SSH2: variants seen among roughly 807,000 people sequenced by gnomAD.
SSH2 encodes the protein protein phosphatase Slingshot homolog 2.
In SSH2, 37 loss-of-function variants were observed where a neutral mutation model predicts 135.2. The observed-to-expected ratio is 0.27, with a 90% CI of 0.21 to 0.36. The LOEUF is 0.36. SSH2 is among the 10% of genes least tolerant of loss of function. SSH2 has a pLI of 1.00. For missense variants in SSH2, 1,408 were observed against 1,765.3 expected, an observed-to-expected ratio of 0.80 and a Z score of 3.63; for synonymous variants, 628 against 646.2, an observed-to-expected ratio of 0.97 and a Z score of 0.43.
chr17:29,738,921 G>A (rs966079464), intron 3 of SSH2, among the ~76,000 whole-genome samples: 2 of 152,112 alleles, frequency 1.3e-5, no homozygotes, highest in Non-Finnish European at 2.9e-5. Context: ...AAGCATAATT[G>A]TTTGAATCAA....
intron 4 of SSH2, among the ~76,000 whole-genome samples, chr17:29,696,162 T>C (rs1440820820): frequency 7.7e-6 from 1 of 129,218 alleles, no homozygotes; most frequent in Non-Finnish European, 1.6e-5. Flanking sequence ...ATAATGAGAG[T>C]ATGTATATAT....
intron 7 of SSH2, 60 bp downstream of exon 7, chr17:29,677,613 A>G: frequency 7.3e-7 from 1 of 1,369,404 alleles, no homozygotes; most frequent in Non-Finnish European, 1.0e-6. Context: ...ATGAATGTGC[A>G]GTAAGATGGA....
At chr17:29,680,150 C>T (rs566379603) in intron 6 of SSH2, among the ~76,000 whole-genome samples, 119 of 152,238 alleles carry the variant, frequency 7.8e-4, no homozygotes, top group African/African-American at 2.8e-3. Context: ...AACCATTATG[C>T]TTTAAAAACA....
At chr17:29,718,090 T>C (rs1274972798) in intron 3 of SSH2, among the ~76,000 whole-genome samples, 1 of 152,192 alleles carries the variant, frequency 6.6e-6, no homozygotes, top group Admixed American at 6.5e-5. Context: ...TAATTGGGAT[T>C]TTCTTTTGCC....
chr17:29,828,221 T>C (rs918438200), intron 2 of SSH2, among the ~76,000 whole-genome samples: 40 of 152,252 alleles, frequency 2.6e-4, no homozygotes, highest in African/African-American at 9.6e-4. Flanking sequence ...TCTCATTGAC[T>C]ACACAAGAAA....
intron 3 of SSH2, among the ~76,000 whole-genome samples, chr17:29,727,263 A>C (rs1437310011): frequency 3.3e-5 from 5 of 152,256 alleles, no homozygotes; most frequent in Admixed American, 2.0e-4. Flanking sequence ...AACAAGGAAA[A>C]GATGAATGGG....
chr17:29,702,353 A>T (rs1598836933), intron 4 of SSH2, among the ~76,000 whole-genome samples: 1 of 384 alleles, frequency 2.6e-3, no homozygotes, highest in Non-Finnish European at 5.0e-3. Flanking sequence ...AGTCTGTCTC[A>T]AAAAAAAAAA....
chr17:29,904,092 T>C (rs2066609373), intron 1 of SSH2, among the ~76,000 whole-genome samples: 3 of 152,092 alleles, frequency 2.0e-5, no homozygotes, highest in African/African-American at 7.2e-5. Flanking sequence ...GCTAATACCA[T>C]TCCTACTGAA....
chr17:29,803,195 TATTTTATG>T (rs1353148395), intron 2 of SSH2, among the ~76,000 whole-genome samples: 2 of 152,246 alleles, frequency 1.3e-5, no homozygotes, highest in Non-Finnish European at 2.9e-5. Flanking sequence ...TGCTTTATTA[TATTTTATG>T]ATTTTATGGG....
At chr17:29,868,101 A>G (rs1220785017) in intron 1 of SSH2, among the ~76,000 whole-genome samples, 1 of 152,224 alleles carries the variant, frequency 6.6e-6, no homozygotes, top group Non-Finnish European at 1.5e-5. Flanking sequence ...ATAATCTTTC[A>G]AAGAGATTCA....
At chr17:29,745,036 C>A (rs982000736) in intron 3 of SSH2, among the ~76,000 whole-genome samples, 1 of 152,076 alleles carries the variant, frequency 6.6e-6, no homozygotes, top group Non-Finnish European at 1.5e-5. Context: ...AAATTGGCAA[C>A]CTTCCTAAAT....
At chr17:29,693,155 C>G (rs1264357422) in intron 5 of SSH2, among the ~76,000 whole-genome samples, 1 of 152,006 alleles carries the variant, frequency 6.6e-6, no homozygotes, top group Non-Finnish European at 1.5e-5. Context: ...GCCATGTTGC[C>G]TAGGCTGGTC....
intron 1 of SSH2, among the ~76,000 whole-genome samples, chr17:29,880,656 C>G (rs1469186742): frequency 6.6e-6 from 1 of 152,116 alleles, no homozygotes; most frequent in Non-Finnish European, 1.5e-5. Flanking sequence ...CAAATGAGTT[C>G]TGACTCTTGC....
In SSH2 at chr17:29,667,212, C is replaced by T. The variant is rs777143212; in HGVS notation, c.821G>A (p.Arg274His). ...TTTAATTAGCCTTTCTGTTCGTTCA[C>T]GTTCAGTAGGTCTGAGAAGAGAGAA... is the stretch of plus-strand genomic sequence containing the variant. The part of the protein sequence containing the change: ...PALFTDIPTE[R>H]ERTERLIKTK... Residue 274 changes from arginine (R) to histidine (H), a missense_variant, in exon 10 of 16, where the codon CGT becomes CAT. Arg to His is a conservative substitution (Grantham distance 29, BLOSUM62 0). Transcript: ENST00000540801. 8 of 1,603,924 alleles carry T rather than the reference C, an allele frequency of 5.0e-6. No homozygotes were observed. The highest frequency in any genetic ancestry group is 1.7e-6 in the Non-Finnish European group (2 of 1,171,560).
intron 3 of SSH2, among the ~76,000 whole-genome samples, chr17:29,746,586 A>T (rs1460038779): frequency 6.7e-6 from 1 of 149,296 alleles, no homozygotes; most frequent in Non-Finnish European, 1.5e-5. Flanking sequence ...AAAAAGAGAG[A>T]TGATACAATT....
chr17:29,748,619 G>A (rs1019740113), intron 3 of SSH2, among the ~76,000 whole-genome samples: 23 of 151,982 alleles, frequency 1.5e-4, no homozygotes, highest in African/African-American at 5.6e-4. Flanking sequence ...TAGAAGACAA[G>A]ATCTAGATTT....
chr17:29,695,512 G>C lies in SSH2; in HGVS notation c.304C>G (p.Gln102Glu), dbSNP rs1218847045. ...RRNKHAGDLQ[Q>E]HLQAMFILLR... ...AAAATGAACATTGCTTGGAGATGCTGTTGGAGATCGCCTGGTGAAATTTAC... is the reference window on the plus strand; with the variant it reads ...AAAATGAACATTGCTTGGAGATGCTCTTGGAGATCGCCTGGTGAAATTTAC... The change falls in exon 5 of 16, where the codon CAG becomes GAG. Residue 102 changes from glutamine (Q) to glutamate (E), a missense_variant. Physicochemically the swap from Gln to Glu is conservative, Grantham distance 29. This residue lies in a region of SSH2 where 222 missense variants were observed against 355.6 expected (regional missense o/e 0.62). Coordinates refer to ENST00000540801, the MANE Select transcript of SSH2 (RefSeq NM_001282129.2). 1.2e-6 allele frequency: 2 copies of C among 1,610,404 alleles called. No individual in the cohort carries two copies. The highest frequency in any genetic ancestry group is 3.4e-5 in the Admixed American group (2 of 59,502).
intron 1 of SSH2, among the ~76,000 whole-genome samples, chr17:29,850,813 G>A (rs1160992830): frequency 2.0e-5 from 3 of 152,090 alleles, no homozygotes; most frequent in Admixed American, 1.3e-4. Flanking sequence ...GTGAAACCCC[G>A]TCTCTACTAA....
intron 3 of SSH2, among the ~76,000 whole-genome samples, chr17:29,731,049 A>G (rs2040172859): frequency 6.6e-6 from 1 of 152,152 alleles, no homozygotes; most frequent in African/African-American, 2.4e-5. Flanking sequence ...CTAAGACTCA[A>G]CTGACCAGGA....
Sources: gnomAD v4.1 joint callset for allele counts (sites outside exome capture counted in the v4.1 genomes callset) on GRCh38, gnomAD v4.1.1 for gene constraint, gnomAD v4.1.1 regional missense constraint, MANE v1.5 for transcripts, NCBI Gene and HGNC (gene_info 2026-07-23, HGNC 2026-07-21) for gene names.